Variants in FER1L6 observed in about 807,000 individuals in gnomAD.
FER1L6 encodes the protein fer-1 like family member 6.
In FER1L6, 177 loss-of-function variants were observed where a neutral mutation model predicts 219.2. That is an observed-to-expected ratio of 0.81 (90% CI 0.71 to 0.91). The LOEUF (loss-of-function observed/expected upper bound fraction) is 0.91. Among genes scored for constraint, FER1L6 ranks in the 40% least tolerant of loss-of-function variants. The pLI is 0.00. For missense variants in FER1L6, 2,153 were observed against 2,259.9 expected, an observed-to-expected ratio of 0.95 and a Z score of 0.96; for synonymous variants, 768 against 824.3, an observed-to-expected ratio of 0.93 and a Z score of 1.17.
At chr8:123,935,191 A>AC (rs1292454586) in intron 1 of FER1L6, among the ~76,000 whole-genome samples, 8 of 151,758 alleles carry the variant, frequency 5.3e-5, no homozygotes, top group Non-Finnish European at 1.2e-4. Context: ...TTCCTTTCCA[A>AC]CCCCCTTTCC....
At chr8:124,059,723 GTAGTAT>G (rs1820472640) in intron 22 of FER1L6, among the ~76,000 whole-genome samples, 1 of 152,208 alleles carries the variant, frequency 6.6e-6, no homozygotes, top group Admixed American at 6.5e-5. Context: ...TATTGTAGTA[GTAGTAT>G]TAGTATTAGT....
intron 1 of FER1L6, among the ~76,000 whole-genome samples, chr8:123,945,497 G>C (rs1814446586): frequency 6.6e-6 from 1 of 152,162 alleles, no homozygotes; most frequent in African/African-American, 2.4e-5. Context: ...TGATTTCATG[G>C]GTTGATAGAT....
At chr8:124,109,264 C>T (rs112278397) in intron 39 of FER1L6, among the ~76,000 whole-genome samples, 2,029 of 152,222 alleles carry the variant, frequency 0.013, 40 homozygotes, top group African/African-American at 0.045. Flanking sequence ...TCAGGTATGA[C>T]GTTTACATAG....
intron 1 of FER1L6, among the ~76,000 whole-genome samples, chr8:123,922,523 A>G (rs1311625458): frequency 2.0e-5 from 3 of 152,124 alleles, no homozygotes; most frequent in African/African-American, 7.2e-5. Context: ...CCAGCAGCCC[A>G]TCGTGAGGGG....
At chr8:123,948,582 T>C (rs1814604599) in intron 1 of FER1L6, among the ~76,000 whole-genome samples, 1 of 152,172 alleles carries the variant, frequency 6.6e-6, no homozygotes, top group Admixed American at 6.5e-5. Context: ...TTTGATGCTA[T>C]TATAAAATCT....
chr8:124,082,283 C>T lies in FER1L6; in HGVS notation c.4221-5C>T, dbSNP rs375345900. 37 of 1,610,022 alleles carry T rather than the reference C, an allele frequency of 2.3e-5. 1 individual carries two copies. Among genetic ancestry groups the T allele is most frequent in the African/African-American group, 1.5e-4 (11 of 74,842 alleles). On this transcript the variant is annotated splice_polypyrimidine_tract_variant and splice_region_variant and intron_variant, in intron 32 of 40. Transcript: ENST00000522917. ...TGACTCTTGAAGTCTCTGCTTGGACCGCAGGTCATTTGAGATCCAAGCCAC... is the reference window on the plus strand; with the variant it reads ...TGACTCTTGAAGTCTCTGCTTGGACTGCAGGTCATTTGAGATCCAAGCCAC...
intron 22 of FER1L6, among the ~76,000 whole-genome samples, chr8:124,055,421 T>G (rs1000253911): frequency 2.2e-4 from 34 of 152,276 alleles, no homozygotes; most frequent in African/African-American, 7.9e-4. Context: ...CAAACATTCA[T>G]GGAATTCTGT....
chr8:124,071,628 C>T lies in FER1L6; in HGVS notation c.4089C>T (p.Val1363=), dbSNP rs116511443. The T allele has an allele frequency of 2.7e-3, 4,332 of 1,611,972 alleles. 106 individuals carry two copies. In the African/African-American group the frequency reaches 0.052, roughly 19 times the overall value. ...CAGTGCTGATCAGAGTATACATTGT[C>T]GCGGTGAGCCATTCTTGTTTGCTCT... ...PVTVLIRVYI[V]AAFNLSPADP... is the part of the protein sequence containing the mutation. The change falls in exon 31 of 41, where the codon GTC becomes GTT. Residue 1363 remains valine, a synonymous_variant. Transcript: ENST00000522917.
In FER1L6 at chr8:123,852,443, G is replaced by A. The variant is rs917569420; in HGVS notation, c.-8+258G>A. Among the ~76,000 whole-genome samples the A allele has an allele frequency of 6.0e-5, 9 of 150,548 alleles. No homozygotes were observed. Among genetic ancestry groups the A allele is most frequent in the African/African-American group, 2.2e-4 (9 of 40,802 alleles). On this transcript the variant is annotated intron_variant, in intron 1 of 40. Transcript: ENST00000522917. This position sits in a 1 kb window ranked among gnomAD's most constrained non-coding sequence, Gnocchi z 4.9. ...TGGTCGCTGTAGCCAGGTTGACCTT[G>A]TTGCTTGAACTCCATGTTGTGAGCA...
chr8:124,066,417 T>C lies in FER1L6; in HGVS notation c.3556-11T>C. 1 of 1,612,960 alleles carries C rather than the reference T, an allele frequency of 6.2e-7. No homozygotes were observed. The highest frequency in any genetic ancestry group is 1.7e-5 in the Admixed American group (1 of 59,926). On this transcript the variant is annotated splice_polypyrimidine_tract_variant and intron_variant, in intron 26 of 40. Transcript: ENST00000522917. ...GTTGAACTAATAACCCATTCCCTCA[T>C]CCCTTGCCAGGATCCCAGGAAGCCT...
At chr8:124,115,569 G>T (rs1388509233) in intron 39 of FER1L6, among the ~76,000 whole-genome samples, 1 of 152,124 alleles carries the variant, frequency 6.6e-6, no homozygotes, top group African/African-American at 2.4e-5. Context: ...GGGCCTGTGG[G>T]ACTTTTCTGG....
intron 22 of FER1L6, among the ~76,000 whole-genome samples, chr8:124,056,672 G>A (rs1292491470): frequency 6.6e-6 from 1 of 152,194 alleles, no homozygotes; most frequent in Non-Finnish European, 1.5e-5. Context: ...TGCTAATGAA[G>A]ACTTTGCAGA....
At chr8:123,964,570 C>T (rs1815449726) in intron 3 of FER1L6, among the ~76,000 whole-genome samples, 1 of 152,142 alleles carries the variant, frequency 6.6e-6, no homozygotes, top group Admixed American at 6.5e-5. Flanking sequence ...CAACCACCAC[C>T]CCTCTACCCT....
At chr8:123,895,013 G>A (rs938105740) in intron 1 of FER1L6, among the ~76,000 whole-genome samples, 3 of 152,182 alleles carry the variant, frequency 2.0e-5, no homozygotes, top group Admixed American at 1.3e-4. Flanking sequence ...TCTACTGCAG[G>A]AACCTGGTGG....
chr8:124,103,325 G>A lies in FER1L6; in HGVS notation c.5289+16G>A, dbSNP rs73332219. The A allele has an allele frequency of 8.2e-3, 13,143 of 1,606,628 alleles. 732 individuals are homozygous for A. In the African/African-American group the frequency reaches 0.13, roughly 16 times the overall value. On this transcript the variant is annotated intron_variant, in intron 39 of 40. Transcript: ENST00000522917. ...AGAACTCACAGTAAGTGACAGCTAT[G>A]GGAGGTGGAGGAGATGGGGGAAGTT...
chr8:123,856,440 A>T (rs1322138713), intron 1 of FER1L6, among the ~76,000 whole-genome samples: 2 of 150,266 alleles, frequency 1.3e-5, no homozygotes, highest in African/African-American at 4.9e-5. Context: ...AGAAGGAAGA[A>T]CTTGGGTCCA....
At chr8:124,022,919 AT>A (rs869126129) in intron 17 of FER1L6, among the ~76,000 whole-genome samples, 17 of 31,386 alleles carry the variant, frequency 5.4e-4, no homozygotes, top group Admixed American at 2.1e-3. Flanking sequence ...TTATTTATTT[AT>A]TTTTTTTTTT....
chr8:123,879,401 A>C (rs1210176446), intron 1 of FER1L6, among the ~76,000 whole-genome samples: 2 of 152,096 alleles, frequency 1.3e-5, no homozygotes, highest in African/African-American at 2.4e-5. Context: ...ATCTCGGCTC[A>C]CTGCAAGCTC....
intron 1 of FER1L6, among the ~76,000 whole-genome samples, chr8:123,952,575 G>A (rs1273747233): frequency 3.3e-5 from 5 of 152,172 alleles, no homozygotes; most frequent in African/African-American, 1.2e-4. Flanking sequence ...TGAAGTGGGA[G>A]GGTTCTCATG....
Sources: allele counts gnomAD v4.1 joint callset (sites outside exome capture counted in the v4.1 genomes callset), GRCh38; gene constraint gnomAD v4.1.1; non-coding constraint Gnocchi (gnomAD v3.1); transcripts MANE v1.5; gene names NCBI Gene and HGNC (gene_info 2026-07-23, HGNC 2026-07-21).